Variants in EPHB3 observed in about 807,000 individuals in gnomAD.
The protein encoded by EPHB3 is EPH receptor B3.
In EPHB3, 33 loss-of-function variants were observed where a neutral mutation model predicts 100.2. That is an observed-to-expected ratio of 0.33 (90% CI 0.25 to 0.44). EPHB3 has a LOEUF of 0.44. EPHB3 is among the 20% of genes least tolerant of loss of function. EPHB3 has a pLI of 1.00. For missense variants in EPHB3, 1,045 were observed against 1,378.3 expected (o/e 0.76, Z 3.83); for synonymous variants, 526 against 554.7 (o/e 0.95, Z 0.73).
Position 184,578,108 on chromosome 3 carries a change from A to T in EPHB3, c.1748+102A>T, listed in dbSNP as rs1213691432. 5 of 1,322,942 alleles carry T rather than the reference A, an allele frequency of 3.8e-6. No individual in the cohort carries two copies. The East Asian group carries it at 7.3e-5, about 19-fold the overall frequency. 82.0% of individuals were successfully genotyped at this position (1,322,942 alleles called of 1,614,324 possible). A position where few individuals can be genotyped will look rare whatever the true frequency, so the allele number is the denominator to read the frequency against. ...GATGAGCCGCCACCACTTCCCTCAGACCCAGGGCCTTAGCCCTCCTGGGGC... is the reference window on the plus strand; with the variant it reads ...GATGAGCCGCCACCACTTCCCTCAGTCCCAGGGCCTTAGCCCTCCTGGGGC... On this transcript the variant is annotated intron_variant, in intron 8 of 15. Transcript: ENST00000330394. This position sits in a 1 kb window ranked among gnomAD's most constrained non-coding sequence, Gnocchi z 4.7.
chr3:184,571,527 C>T lies in EPHB3; in HGVS notation c.183+145C>T, dbSNP rs1714540243. 7.6e-6 allele frequency: 6 copies of T among 788,648 alleles called. No homozygotes were observed. The highest frequency in any genetic ancestry group is 1.3e-5 in the Non-Finnish European group (6 of 468,322). 48.9% of individuals were successfully genotyped at this position (788,648 alleles called of 1,614,324 possible). A position where few individuals can be genotyped will look rare whatever the true frequency, so the allele number is the denominator to read the frequency against. ...GTCACCCTCACTTCCTGTGCCATCCCCATCATCCTCACTTGTGACCCTCTG... is the reference window on the plus strand; with the variant it reads ...GTCACCCTCACTTCCTGTGCCATCCTCATCATCCTCACTTGTGACCCTCTG... On this transcript the variant is annotated intron_variant, in intron 2 of 15. Coordinates refer to ENST00000330394, the MANE Select transcript of EPHB3 (RefSeq NM_004443.4). The surrounding 1 kb of genome is among the most constrained non-coding windows in gnomAD (Gnocchi z 5.0).
At position 184,572,876 on chromosome 3, in the gene EPHB3, A is replaced by C. The variant is rs1714575697; in HGVS notation, c.556A>C (p.Lys186Gln). 1 of 1,560,942 alleles carries C rather than the reference A, an allele frequency of 6.4e-7. No individual in the cohort carries two copies. The highest frequency in any genetic ancestry group is 1.2e-5 in the South Asian group (1 of 82,132). ...GGTGCGCAGCTTTGGGCCACTTTCC[A>C]AGGCTGGCTTCTACCTGGCCTTCCA... ...TKVRSFGPLS[K>Q]AGFYLAFQDQ... The change falls in exon 3 of 16, where the codon AAG (lysine) becomes CAG (glutamine). Residue 186 changes from lysine (K) to glutamine (Q), a missense_variant. By Grantham distance (53) the Lys-to-Gln change is moderately conservative (BLOSUM62 1). This residue lies in a region of EPHB3 where 985 missense variants were observed against 1,331.1 expected (regional missense o/e 0.74). Transcript: ENST00000330394. The surrounding 1 kb of genome is among the most constrained non-coding windows in gnomAD (Gnocchi z 6.6).
rs756506928 is a variant in EPHB3 at position 184,575,861 on chromosome 3, G to A, written c.888G>A (p.Gln296=). 25 of 1,612,760 alleles carry A rather than the reference G, an allele frequency of 1.6e-5. No individual in the cohort carries two copies. In the East Asian group the frequency reaches 4.9e-4, roughly 32 times the overall value. Residue 296 remains glutamine (Q), a synonymous_variant, in exon 4 of 16, where the codon CAG becomes CAA. Coordinates refer to ENST00000330394, the MANE Select transcript of EPHB3 (RefSeq NM_004443.4). The part of the protein sequence containing the change: ...PCPPGSYKAK[Q]GEGPCLPCPP... ...CCCCTGGGAGCTACAAGGCGAAGCA[G>A]GGAGAGGGGCCCTGCCTCCCATGTC...
Position 184,575,843 on chromosome 3 carries a change from G to C in EPHB3, c.870G>C (p.Gly290=). Reference sequence around the variant, plus strand: ...TCTCTCCCACAGCCTGTCCCCCTGGGAGCTACAAGGCGAAGCAGGGAGAGG... The same window carrying C: ...TCTCTCCCACAGCCTGTCCCCCTGGCAGCTACAAGGCGAAGCAGGGAGAGG... The part of the protein sequence containing the change: ...KESQCRPCPP[G]SYKAKQGEGP... The change falls in exon 4 of 16, where the codon GGG becomes GGC. Residue 290 remains glycine, a synonymous_variant. Transcript: ENST00000330394. The C allele has an allele frequency of 1.2e-6, 2 of 1,608,448 alleles. No homozygotes were observed. Among genetic ancestry groups the C allele is most frequent in the Non-Finnish European group, 1.7e-6 (2 of 1,177,168 alleles).
At position 184,581,626 on chromosome 3, in the gene EPHB3, C is replaced by T. The variant is rs2230596; in HGVS notation, c.*4C>T. The T allele has an allele frequency of 0.17, 264,490 of 1,600,650 alleles. 22,810 individuals are homozygous for T. Among genetic ancestry groups the T allele is most frequent in the Middle Eastern group, 0.25 (1,470 of 5,986 alleles). On this transcript the variant is annotated 3_prime_UTR_variant, in exon 16 of 16. Transcript: ENST00000330394. ...GACGCTGCCTGTGCAGGTCTGACAC[C>T]GGCTCCCACGGGGACCCTGAGGACC... is the stretch of plus-strand genomic sequence containing the variant.
rs1442356715 is a variant in EPHB3 at position 184,582,273 on chromosome 3, T to TGC, written c.*652_*653insCG. 1.8e-5 allele frequency: 1 copy of TGC among 56,322 alleles called. No homozygotes were observed. The highest frequency in any genetic ancestry group is 9.6e-5 in the African/African-American group (1 of 10,398). The allele number at this position is 56,322 out of a possible 1,614,324, so 3.5% of individuals were successfully genotyped here. A position where few individuals can be genotyped will look rare whatever the true frequency, so the allele number is the denominator to read the frequency against. On this transcript the variant is annotated 3_prime_UTR_variant, in exon 16 of 16. Transcript: ENST00000330394. ...GTGTGAGTGTGTGTGTGTGTGTGTG[T>TGC]GTGTGCGCGCGCGCGCGCGTGTGTG...
Position 184,579,412 on chromosome 3 carries a change from T to C in EPHB3, c.1802-65T>C. On this transcript the variant is annotated intron_variant, in intron 9 of 15. Coordinates refer to ENST00000330394, the MANE Select transcript of EPHB3 (RefSeq NM_004443.4). The surrounding 1 kb of genome is among the most constrained non-coding windows in gnomAD (Gnocchi z 5.2). Reference sequence around the variant, plus strand: ...GGCTCAGCAGGGAGCCTGCTGGAGCTGTGCCCATCGCAGGGAGAGGCTGGC... The same window carrying C: ...GGCTCAGCAGGGAGCCTGCTGGAGCCGTGCCCATCGCAGGGAGAGGCTGGC... The C allele has an allele frequency of 6.3e-7, 1 of 1,589,104 alleles. No individual in the cohort carries two copies. The highest frequency in any genetic ancestry group is 8.6e-7 in the Non-Finnish European group (1 of 1,163,210).
chr3:184,579,703 G>A lies in EPHB3; in HGVS notation c.1941G>A (p.Val647=), dbSNP rs373000062. ...EVIGAGEFGE[V]CRGRLKQPGR... ...GCCCTGCAGGGGAATTTGGGGAAGT[G>A]TGCCGTGGTCGACTGAAACAGCCTG... Residue 647 remains valine (V), a synonymous_variant, in exon 11 of 16, where the codon GTG becomes GTA. Coordinates refer to ENST00000330394, the MANE Select transcript of EPHB3 (RefSeq NM_004443.4). The surrounding 1 kb of genome is among the most constrained non-coding windows in gnomAD (Gnocchi z 5.2). 8 of 1,611,826 alleles carry A rather than the reference G, an allele frequency of 5.0e-6. No homozygotes were observed. The African/African-American group carries it at 8.0e-5, about 16-fold the overall frequency.
intron 3 of EPHB3, among the ~76,000 whole-genome samples, chr3:184,574,836 C>T (rs1714634094): frequency 6.6e-6 from 1 of 152,210 alleles, no homozygotes; most frequent in Non-Finnish European, 1.5e-5. Context: ...GCTGGCCTGG[C>T]CTCTGCCCCC....
chr3:184,567,502 T>TGA (rs573435765), intron 1 of EPHB3, among the ~76,000 whole-genome samples: 93 of 152,160 alleles, frequency 6.1e-4, no homozygotes, highest in Non-Finnish European at 1.5e-4. Flanking sequence ...TGTGTGTGTG[T>TGA]GTGTGTGTGT....
At chr3:184,581,468 G>A in intron 15 of EPHB3, 46 bp from the exon 16 acceptor site, 1 of 1,596,526 alleles carries the variant, frequency 6.3e-7, no homozygotes, top group South Asian at 1.1e-5. Flanking sequence ...GCCCAGAGTT[G>A]AGGGCACGAG....
At chr3:184,567,480 GGTGTGTGTGT>G (rs58429187) in intron 1 of EPHB3, among the ~76,000 whole-genome samples, 4,851 of 148,652 alleles carry the variant, frequency 0.033, 94 homozygotes, top group Non-Finnish European at 0.043. Context: ...ATGCTTGCAG[GGTGTGTGTGT>G]GTGTGTGTGT....
intron 11 of EPHB3, 86 bp from the exon 12 acceptor site, chr3:184,580,316 C>CT: frequency 6.5e-7 from 1 of 1,545,296 alleles, no homozygotes; most frequent in South Asian, 1.1e-5. Context: ...GAGGTAGAGT[C>CT]TGAGTACTCG....
chr3:184,577,853 C>G lies in EPHB3; in HGVS notation c.1639+36C>G. On this transcript the variant is annotated intron_variant, in intron 7 of 15. Transcript: ENST00000330394. This position sits in a 1 kb window ranked among gnomAD's most constrained non-coding sequence, Gnocchi z 4.9. Reference sequence around the variant, plus strand: ...CCCTGCGCCTGTCCCCATCGCGGCCCTCACTCTCTGTCCCTCCACTCAGCA... The same window carrying G: ...CCCTGCGCCTGTCCCCATCGCGGCCGTCACTCTCTGTCCCTCCACTCAGCA... 6.2e-7 allele frequency: 1 copy of G among 1,606,646 alleles called. No homozygotes were observed. The highest frequency in any genetic ancestry group is 1.1e-5 in the South Asian group (1 of 90,536).
At chr3:184,575,108 A>G (rs2081244279) in intron 3 of EPHB3, 1 of 979,038 alleles carries the variant, frequency 1.0e-6, no homozygotes, top group Non-Finnish European at 1.2e-6. Flanking sequence ...GGCTACCATC[A>G]ATCCACAGAG....
rs1714484194 is a variant in EPHB3, at chr3:184,569,408, C to T, written c.119-1910C>T. Among the ~76,000 whole-genome samples, 12 of 152,088 alleles carry T rather than the reference C, an allele frequency of 7.9e-5. No homozygotes were observed. In the South Asian group the frequency reaches 2.5e-3, roughly 32 times the overall value. Reference sequence around the variant, plus strand: ...CTGTCGGATCCCCGCCAGCCGGCTCCGCACATCCCTCCGGCTCCGTGCCGC... The same window carrying T: ...CTGTCGGATCCCCGCCAGCCGGCTCTGCACATCCCTCCGGCTCCGTGCCGC... On this transcript the variant is annotated intron_variant, in intron 1 of 15. Coordinates refer to ENST00000330394, the MANE Select transcript of EPHB3 (RefSeq NM_004443.4). The surrounding 1 kb of genome is among the most constrained non-coding windows in gnomAD (Gnocchi z 5.4).
Position 184,565,304 on chromosome 3 carries a change from G to C in EPHB3, c.118+2951G>C, listed in dbSNP as rs1353565094. 2.0e-5 allele frequency among the ~76,000 whole-genome samples: 3 copies of C among 152,140 alleles called. No individual in the cohort carries two copies. Among genetic ancestry groups the C allele is most frequent in the East Asian group, 3.9e-4 (2 of 5,174 alleles). ...CTGGTCTTTTGAGTAATGTTCCCCA[G>C]TTCCCCAAAGCCAAGATTATTCTCC... is the stretch of plus-strand genomic sequence containing the variant. On this transcript the variant is annotated intron_variant, in intron 1 of 15. Coordinates refer to ENST00000330394, the MANE Select transcript of EPHB3 (RefSeq NM_004443.4). The surrounding 1 kb of genome is among the most constrained non-coding windows in gnomAD (Gnocchi z 4.8).
chr3:184,567,480 G>GGTGTGTGTGTGT (rs58429187), intron 1 of EPHB3, among the ~76,000 whole-genome samples: 8 of 148,664 alleles, frequency 5.4e-5, no homozygotes, highest in South Asian at 4.3e-4. Flanking sequence ...ATGCTTGCAG[G>GGTGTGTGTGTGT]GTGTGTGTGT....
Position 184,562,504 on chromosome 3 carries a change from G to T in EPHB3, c.118+151G>T. On this transcript the variant is annotated intron_variant, in intron 1 of 15. Transcript: ENST00000330394. The surrounding 1 kb of genome is among the most constrained non-coding windows in gnomAD (Gnocchi z 4.8). ...CGGGGCCCAGGGATGGGGTGGGGAG[G>T]CCGCCCCTGGAGCCGCCTCGGAGGC... The T allele has an allele frequency of 9.1e-7, 1 of 1,093,796 alleles. No homozygotes were observed. The highest frequency in any genetic ancestry group is 1.1e-6 in the Non-Finnish European group (1 of 884,960). 67.8% of individuals were successfully genotyped at this position (1,093,796 alleles called of 1,614,324 possible).
Sources: allele counts gnomAD v4.1 joint callset (sites outside exome capture counted in the v4.1 genomes callset), GRCh38; gene constraint gnomAD v4.1.1; regional missense constraint gnomAD v4.1.1; non-coding constraint Gnocchi (gnomAD v3.1); transcripts MANE v1.5; gene names NCBI Gene and HGNC (gene_info 2026-07-23, HGNC 2026-07-21).